SGMS2: variants seen among roughly 807,000 people sequenced by gnomAD.
SGMS2 encodes the protein sphingomyelin synthase 2.
A neutral mutation model predicts 43.8 loss-of-function variants in SGMS2; 21 were observed. The observed-to-expected ratio is 0.48, with a 90% CI of 0.34 to 0.69. The LOEUF (loss-of-function observed/expected upper bound fraction) is 0.69. Among genes scored for constraint, SGMS2 ranks in the 30% least tolerant of loss-of-function variants. SGMS2 has a pLI of 0.01. For synonymous variants in SGMS2, 167 were observed against 160.6 expected, an observed-to-expected ratio of 1.04 and a Z score of -0.30; for missense variants, 384 against 443.2, an observed-to-expected ratio of 0.87 and a Z score of 1.20.
Position 107,877,913 on chromosome 4 carries a change from C to CTTTTT in SGMS2, c.-244-17381_-244-17377dup, listed in dbSNP as rs774442653. On this transcript the variant is annotated intron_variant, in intron 2 of 6. Coordinates refer to ENST00000690982, the MANE Select transcript of SGMS2 (RefSeq NM_001375905.1). Reference sequence around the variant, plus strand: ...CTCTTTCTTTCTTTCTTTTTCTTTTCTTTTTTTTTTTTTTTTTTTTGAGAT... The same window carrying CTTTTT: ...CTCTTTCTTTCTTTCTTTTTCTTTTCTTTTTTTTTTTTTTTTTTTTTTTTTGAGAT... Among the ~76,000 whole-genome samples the CTTTTT allele has an allele frequency of 7.9e-3, 804 of 102,028 alleles. 1 individual carries two copies. The highest frequency in any genetic ancestry group is 0.014 in the East Asian group (58 of 4,182). 66.9% of individuals were successfully genotyped at this position (102,028 alleles called of 152,430 possible). A position where few individuals can be genotyped will look rare whatever the true frequency, so the allele number is the denominator to read the frequency against.
At chr4:107,894,816 TTTAA>T (rs1730526848) in intron 2 of SGMS2, among the ~76,000 whole-genome samples, 1 of 150,100 alleles carries the variant, frequency 6.7e-6, no homozygotes, top group Non-Finnish European at 1.5e-5. Context: ...ACTTCTGTTT[TTTAA>T]TTAGAAAATA....
chr4:107,862,274 C>T (rs543117100), intron 2 of SGMS2, among the ~76,000 whole-genome samples: 1 of 152,166 alleles, frequency 6.6e-6, no homozygotes, highest in African/African-American at 2.4e-5. Context: ...CACATGCTAA[C>T]TTAAATTTGA....
chr4:107,866,576 C>A (rs1265936326), intron 2 of SGMS2, among the ~76,000 whole-genome samples: 2 of 150,500 alleles, frequency 1.3e-5, no homozygotes, highest in East Asian at 2.0e-4. Flanking sequence ...CAAAAAAAAA[C>A]CAAAAACAAA....
intron 1 of SGMS2, among the ~76,000 whole-genome samples, chr4:107,836,609 C>T (rs1726192306): frequency 6.6e-6 from 1 of 152,180 alleles, no homozygotes; most frequent in South Asian, 2.1e-4. Context: ...TTTAACTCCT[C>T]ATCTATCACC....
intron 2 of SGMS2, among the ~76,000 whole-genome samples, chr4:107,861,635 T>C (rs1285799368): frequency 6.6e-6 from 1 of 152,338 alleles, no homozygotes; most frequent in African/African-American, 2.4e-5. Context: ...AATTCAAGAA[T>C]TTTTTAATAT....
intron 1 of SGMS2, among the ~76,000 whole-genome samples, chr4:107,842,206 C>G (rs1021381663): frequency 1.3e-5 from 2 of 152,096 alleles, no homozygotes; most frequent in Non-Finnish European, 2.9e-5. Context: ...ATACCTGAGG[C>G]TGGCTAAATT....
intron 1 of SGMS2, among the ~76,000 whole-genome samples, chr4:107,854,266 C>T (rs1727303139): frequency 6.6e-6 from 1 of 152,124 alleles, no homozygotes; most frequent in Non-Finnish European, 1.5e-5. Context: ...GAAGACGGGT[C>T]GTTTTCTAGC....
At chr4:107,884,441 T>A (rs1359974988) in intron 2 of SGMS2, among the ~76,000 whole-genome samples, 1 of 152,102 alleles carries the variant, frequency 6.6e-6, no homozygotes, top group Middle Eastern at 3.2e-3. Flanking sequence ...AGAGATAAGA[T>A]GAAACCTGAG....
At chr4:107,836,440 A>C (rs1019119386) in intron 1 of SGMS2, among the ~76,000 whole-genome samples, 5 of 152,154 alleles carry the variant, frequency 3.3e-5, no homozygotes, top group Non-Finnish European at 4.4e-5. Context: ...CTTCTCTCTG[A>C]GGTTGTCTGT....
At chr4:107,906,419 C>G (rs1045491080) in intron 5 of SGMS2, among the ~76,000 whole-genome samples, 1 of 152,132 alleles carries the variant, frequency 6.6e-6, no homozygotes, top group Non-Finnish European at 1.5e-5. Flanking sequence ...GCTGTTAGTG[C>G]CAATCATCTG....
Position 107,859,855 on chromosome 4 carries a change from T to G in SGMS2, c.-245+1302T>G, listed in dbSNP as rs549660196. On this transcript the variant is annotated intron_variant, in intron 2 of 6. Transcript: ENST00000690982. ...TGATTTGGAAAATAAAGTAGTCGTA[T>G]GTTCTAATTTAATCACTGCAGAATT... 1.4e-4 allele frequency among the ~76,000 whole-genome samples: 22 copies of G among 152,266 alleles called. No individual in the cohort carries two copies. In the South Asian group the frequency reaches 4.1e-3, roughly 29 times the overall value.
intron 1 of SGMS2, among the ~76,000 whole-genome samples, chr4:107,843,689 T>C (rs1441096164): frequency 1.3e-5 from 2 of 152,218 alleles, no homozygotes; most frequent in African/African-American, 4.8e-5. Context: ...TGCTGTGTTA[T>C]GAAGGGCATT....
chr4:107,827,314 G>T (rs1027143699), intron 1 of SGMS2, among the ~76,000 whole-genome samples: 5 of 152,146 alleles, frequency 3.3e-5, no homozygotes, highest in African/African-American at 1.2e-4. Context: ...CAGCCACTGT[G>T]CTAGGGGCCA....
chr4:107,844,220 A>T (rs1054737046), intron 1 of SGMS2, among the ~76,000 whole-genome samples: 3 of 151,952 alleles, frequency 2.0e-5, no homozygotes, highest in Non-Finnish European at 4.4e-5. Context: ...GCTACTTGGG[A>T]GGCTGAGGCA....
chr4:107,844,317 CTA>C (rs1168728733), intron 1 of SGMS2, among the ~76,000 whole-genome samples: 1 of 149,576 alleles, frequency 6.7e-6, no homozygotes, highest in African/African-American at 2.5e-5. Context: ...GAGTGAGACT[CTA>C]TCTCAAAAAA....
chr4:107,850,888 A>G (rs949704296), intron 1 of SGMS2, among the ~76,000 whole-genome samples: 1 of 152,160 alleles, frequency 6.6e-6, no homozygotes, highest in Non-Finnish European at 1.5e-5. Context: ...TATGTTGCTC[A>G]AGATTCAGTT....
chr4:107,826,123 C>A (rs1725576735), intron 1 of SGMS2, among the ~76,000 whole-genome samples: 2 of 152,130 alleles, frequency 1.3e-5, no homozygotes, highest in African/African-American at 4.8e-5. Flanking sequence ...ATAGCTACTT[C>A]AGATAATAAG....
At chr4:107,839,751 C>A (rs1360942259) in intron 1 of SGMS2, among the ~76,000 whole-genome samples, 1 of 151,844 alleles carries the variant, frequency 6.6e-6, no homozygotes. Flanking sequence ...ACATAAATTC[C>A]CCATATAGAC....
intron 4 of SGMS2, among the ~76,000 whole-genome samples, chr4:107,900,725 A>T (rs1266887370): frequency 6.6e-6 from 1 of 152,226 alleles, no homozygotes; most frequent in Non-Finnish European, 1.5e-5. Flanking sequence ...GAAGTCTAAC[A>T]TCATATTTTA....
Sources: gnomAD v4.1 joint callset for allele counts (sites outside exome capture counted in the v4.1 genomes callset) on GRCh38, gnomAD v4.1.1 for gene constraint, MANE v1.5 for transcripts, NCBI Gene and HGNC (gene_info 2026-07-23, HGNC 2026-07-21) for gene names.